XPO6: variants seen among roughly 807,000 people sequenced by gnomAD.
The protein encoded by XPO6 is exportin-6.
A neutral mutation model predicts 130.0 loss-of-function variants in XPO6; 3 were observed. That is an observed-to-expected ratio of 0.02 (90% CI 0.01 to 0.06). XPO6 has a LOEUF of 0.06. Among genes scored for constraint, XPO6 ranks in the 10% least tolerant of loss-of-function variants. The probability of loss-of-function intolerance (pLI) is 1.00; values close to 1 mark genes in which losing one functional copy is unlikely to be tolerated. For synonymous variants in XPO6, 524 were observed against 548.9 expected, an observed-to-expected ratio of 0.95 and a Z score of 0.63; for missense variants, 970 against 1,393.0, an observed-to-expected ratio of 0.70 and a Z score of 4.83.
At chr16:28,168,431 T>TG (rs2043392658) in intron 5 of XPO6, among the ~76,000 whole-genome samples, 1 of 151,934 alleles carries the variant, frequency 6.6e-6, no homozygotes, top group Non-Finnish European at 1.5e-5. Context: ...TGCAGTAAGC[T>TG]ATGTTCACAT....
rs555556669 is a variant in XPO6, at chr16:28,211,301, C to G, written c.3+65G>C. 1.8e-5 allele frequency: 24 copies of G among 1,303,810 alleles called. No individual in the cohort carries two copies. The Admixed American group carries it at 4.1e-4, about 22-fold the overall frequency. 80.8% of individuals were successfully genotyped at this position (1,303,810 alleles called of 1,614,324 possible). A position where few individuals can be genotyped will look rare whatever the true frequency, so the allele number is the denominator to read the frequency against. ...GAGAGCAGCGATGGCTCAGCAGCCC[C>G]GGGGCCCATTCCCACCCTTCCGGTA... On this transcript the variant is annotated intron_variant, in intron 1 of 23. Coordinates refer to ENST00000304658, the MANE Select transcript of XPO6 (RefSeq NM_015171.4).
At chr16:28,157,094 A>C (rs2043195853) in intron 6 of XPO6, among the ~76,000 whole-genome samples, 1 of 152,320 alleles carries the variant, frequency 6.6e-6, no homozygotes, top group African/African-American at 2.4e-5. Flanking sequence ...AAGAGAGAAA[A>C]AGACTCCTTA....
At chr16:28,104,489 C>T (rs1038698463) in intron 21 of XPO6, 57 bp downstream of exon 21, 10 of 1,590,392 alleles carry the variant, frequency 6.3e-6, no homozygotes, top group Non-Finnish European at 7.7e-6. Flanking sequence ...AGACAGGACT[C>T]GCTGCAGTGG....
intron 5 of XPO6, among the ~76,000 whole-genome samples, chr16:28,169,027 T>A (rs1188157549): frequency 6.6e-6 from 1 of 152,224 alleles, no homozygotes; most frequent in African/African-American, 2.4e-5. Context: ...GAAGCCTGGA[T>A]AAAGGAGTTA....
chr16:28,132,934 T>A lies in XPO6; in HGVS notation c.1537-531A>T, dbSNP rs1430863624. Among the ~76,000 whole-genome samples the A allele has an allele frequency of 6.6e-5, 10 of 152,216 alleles. No homozygotes were observed. Among genetic ancestry groups the A allele is most frequent in the Admixed American group, 6.5e-4 (10 of 15,290 alleles). On this transcript the variant is annotated intron_variant, in intron 11 of 23. Transcript: ENST00000304658. This position sits in a 1 kb window ranked among gnomAD's most constrained non-coding sequence, Gnocchi z 4.0. Reference sequence around the variant, plus strand: ...GCTGCATCTTTCTTTCTCAAGCTGCTACACTCACCAGTAAGATTAAAACGT... The same window carrying A: ...GCTGCATCTTTCTTTCTCAAGCTGCAACACTCACCAGTAAGATTAAAACGT...
At chr16:28,114,780 T>C (rs1460878745) in intron 15 of XPO6, among the ~76,000 whole-genome samples, 2 of 152,228 alleles carry the variant, frequency 1.3e-5, no homozygotes, top group Non-Finnish European at 2.9e-5. Flanking sequence ...TGCCGTTTCA[T>C]AGCATTTTGC....
chr16:28,183,448 AAC>A (rs1389836566), intron 1 of XPO6: 5 of 141,534 alleles, frequency 3.5e-5, no homozygotes, highest in African/African-American at 1.1e-4. Context: ...AAAAAAAAAA[AAC>A]CCAGATGCAT....
intron 14 of XPO6, 133 bp from the exon 15 acceptor site, chr16:28,117,595 T>C: frequency 1.8e-6 from 2 of 1,097,548 alleles, no homozygotes; most frequent in South Asian, 1.6e-5. Context: ...AGCATAGAAA[T>C]CATTTACCGG....
At chr16:28,191,313 AAT>A (rs2141889722) in intron 1 of XPO6, among the ~76,000 whole-genome samples, 1 of 152,364 alleles carries the variant, frequency 6.6e-6, no homozygotes, top group East Asian at 1.9e-4. Context: ...AAATGATAAA[AAT>A]AGTTATTCTG....
chr16:28,101,978 A>G lies in XPO6; in HGVS notation c.2947-33T>C, dbSNP rs1343050155. Reference sequence around the variant, plus strand: ...ATGAGACCACCATTTTATAAACTGCAAGACCAAGCACTTCTGGAGCATCTA... The same window carrying G: ...ATGAGACCACCATTTTATAAACTGCGAGACCAAGCACTTCTGGAGCATCTA... On this transcript the variant is annotated intron_variant, in intron 21 of 23. Coordinates refer to ENST00000304658, the MANE Select transcript of XPO6 (RefSeq NM_015171.4). This position sits in a 1 kb window ranked among gnomAD's most constrained non-coding sequence, Gnocchi z 5.4. 4 of 1,577,150 alleles carry G rather than the reference A, an allele frequency of 2.5e-6. No homozygotes were observed. In the South Asian group the frequency reaches 3.3e-5, roughly 13 times the overall value.
At chr16:28,144,072 C>A (rs542103713) in intron 9 of XPO6, among the ~76,000 whole-genome samples, 2 of 152,098 alleles carry the variant, frequency 1.3e-5, no homozygotes, top group African/African-American at 4.8e-5. Flanking sequence ...AAAAGATATG[C>A]CTATTTAGCA....
At position 28,101,248 on chromosome 16, in the gene XPO6, G is replaced by A. The variant is rs191509849; in HGVS notation, c.3276+210C>T. On this transcript the variant is annotated intron_variant, in intron 23 of 23. Transcript: ENST00000304658. The surrounding 1 kb of genome is among the most constrained non-coding windows in gnomAD (Gnocchi z 5.4). ...TCCATGGCTGAGACTAAGAACATAC[G>A]TGCTACAGACACCAAGACTGGGGAA... is the stretch of plus-strand genomic sequence containing the variant. 618 of 648,654 alleles carry A rather than the reference G, an allele frequency of 9.5e-4. 2 individuals are homozygous for A. The highest frequency in any genetic ancestry group is 3.4e-4 in the Non-Finnish European group (122 of 357,470). The allele number at this position is 648,654 out of a possible 1,614,324, so 40.2% of individuals were successfully genotyped here. A position where few individuals can be genotyped will look rare whatever the true frequency, so the allele number is the denominator to read the frequency against.
intron 15 of XPO6, among the ~76,000 whole-genome samples, chr16:28,115,110 G>C (rs1208297264): frequency 6.6e-6 from 1 of 152,072 alleles, no homozygotes. Flanking sequence ...TATGAGGCTG[G>C]GAACCAACTT....
At chr16:28,206,611 T>C (rs867739313) in intron 1 of XPO6, among the ~76,000 whole-genome samples, 31 of 152,170 alleles carry the variant, frequency 2.0e-4, no homozygotes, top group Admixed American at 3.3e-4. Flanking sequence ...TTAATCTACC[T>C]ATTTCTTTAT....
At position 28,112,911 on chromosome 16, in the gene XPO6, A is replaced by T; in HGVS notation, c.2144T>A (p.Val715Asp). 6.2e-7 allele frequency: 1 copy of T among 1,613,486 alleles called. No individual in the cohort carries two copies. The highest frequency in any genetic ancestry group is 8.5e-7 in the Non-Finnish European group (1 of 1,179,606). The change falls in exon 16 of 24, where the codon GTC becomes GAC. Residue 715 changes from valine to aspartate, a missense_variant. Physicochemically the swap from Val to Asp is radical, Grantham distance 152 (BLOSUM62 -3). Coordinates refer to ENST00000304658, the MANE Select transcript of XPO6 (RefSeq NM_015171.4). ...GGAGCTCTGGGGCCTCACCTTATCG[A>T]CAAGTCGCAGGGCAGAGGCATCAGT... ...RITDASALRL[V>D]DKAQVLVCRA...
At chr16:28,158,930 T>C (rs955225327) in intron 6 of XPO6, among the ~76,000 whole-genome samples, 51 of 152,170 alleles carry the variant, frequency 3.4e-4, no homozygotes, top group African/African-American at 1.2e-3. Flanking sequence ...AAGAAAAATA[T>C]TTAAAACTAT....
At chr16:28,189,589 G>GAA (rs146763179) in intron 1 of XPO6, among the ~76,000 whole-genome samples, 2 of 122,632 alleles carry the variant, frequency 1.6e-5, no homozygotes, top group East Asian at 4.6e-4. Context: ...AGTTGCAGGA[G>GAA]AAAAAAAAAT....
intron 9 of XPO6, among the ~76,000 whole-genome samples, chr16:28,137,981 T>C (rs1235328630): frequency 2.0e-5 from 3 of 152,110 alleles, no homozygotes; most frequent in Non-Finnish European, 4.4e-5. Flanking sequence ...CACTCCCTAC[T>C]TGCCCATATC....
intron 13 of XPO6, among the ~76,000 whole-genome samples, chr16:28,125,057 A>C (rs2087358762): frequency 1.3e-5 from 2 of 152,200 alleles, no homozygotes; most frequent in African/African-American, 4.8e-5. Flanking sequence ...GAGTAGAATC[A>C]AGTGTTCCTC....
Sources: allele counts gnomAD v4.1 joint callset (sites outside exome capture counted in the v4.1 genomes callset), GRCh38; gene constraint gnomAD v4.1.1; non-coding constraint Gnocchi (gnomAD v3.1); transcripts MANE v1.5; gene names NCBI Gene and HGNC (gene_info 2026-07-23, HGNC 2026-07-21).